Variants in CCT7 observed in about 807,000 individuals in gnomAD.
CCT7 encodes chaperonin containing TCP1 subunit 7, also known as T-complex protein 1 subunit eta.
Under a neutral mutation model 56.6 loss-of-function variants are expected in CCT7, and 16 were observed. The observed-to-expected ratio is 0.28, with a 90% confidence interval of 0.19 to 0.43. CCT7 has a LOEUF of 0.43. Among genes scored for constraint, CCT7 ranks in the 20% least tolerant of loss-of-function variants. CCT7 has a pLI of 1.00. For missense variants in CCT7, 519 were observed against 685.6 expected (o/e 0.76, Z 2.71); for synonymous variants, 262 against 254.8 (o/e 1.03, Z -0.27).
intron 4 of CCT7, 59 bp from the exon 5 acceptor site, chr2:73,243,938 G>A (rs2103784367): frequency 6.7e-7 from 1 of 1,493,486 alleles, no homozygotes; most frequent in Admixed American, 1.7e-5. Flanking sequence ...AGAGATTGAG[G>A]TCCACTTCAG....
intron 1 of CCT7, among the ~76,000 whole-genome samples, chr2:73,236,870 A>G (rs1686907430): frequency 6.6e-6 from 1 of 152,136 alleles, no homozygotes; most frequent in South Asian, 2.1e-4. Context: ...AACCTGGGGA[A>G]TCTGTGGTTA....
chr2:73,238,304 G>A (rs1686964089), intron 1 of CCT7, among the ~76,000 whole-genome samples: 1 of 152,258 alleles, frequency 6.6e-6, no homozygotes, highest in South Asian at 2.1e-4. Flanking sequence ...GTCTACGAGT[G>A]TGTATGTGAT....
rs568037909 is a variant in CCT7 at position 73,250,547 on chromosome 2, C to G, written c.1203+109C>G. On this transcript the variant is annotated intron_variant, in intron 10 of 11. Transcript: ENST00000258091. ...TCCTTCTCTATATAACCTGCCCTTT[C>G]CTGGGTGGTGTGGTGAGCCCTGATT... 31 of 1,312,530 alleles carry G rather than the reference C, an allele frequency of 2.4e-5. 1 individual carries two copies. In the South Asian group the frequency reaches 3.7e-4, roughly 16 times the overall value. 81.3% of individuals were successfully genotyped at this position (1,312,530 alleles called of 1,614,324 possible).
chr2:73,239,919 C>A, intron 2 of CCT7, 123 bp downstream of exon 2: 1 of 829,630 alleles, frequency 1.2e-6, no homozygotes, highest in Non-Finnish European at 1.9e-6. Flanking sequence ...AGATGACTCA[C>A]TCTGAAGCAG....
intron 9 of CCT7, 125 bp downstream of exon 9, chr2:73,250,041 CAG>C (rs1414481076): frequency 3.9e-6 from 3 of 768,404 alleles, no homozygotes; most frequent in African/African-American, 1.7e-5. Flanking sequence ...ACAGCTTTTA[CAG>C]AGTCTCACCT....
intron 3 of CCT7, among the ~76,000 whole-genome samples, chr2:73,242,042 C>T (rs1027443805): frequency 2.0e-5 from 3 of 151,950 alleles, no homozygotes; most frequent in Middle Eastern, 6.8e-3. Flanking sequence ...TGCCTGGCCT[C>T]CTCATAGTTT....
intron 6 of CCT7, among the ~76,000 whole-genome samples, chr2:73,246,999 G>T (rs564081541): frequency 1.3e-5 from 2 of 152,286 alleles, no homozygotes; most frequent in South Asian, 4.2e-4. Flanking sequence ...ATTTAGTAAG[G>T]AAAAGATCTG....
At chr2:73,242,260 A>G (rs1687149848) in intron 3 of CCT7, among the ~76,000 whole-genome samples, 1 of 151,904 alleles carries the variant, frequency 6.6e-6, no homozygotes, top group Admixed American at 6.5e-5. Flanking sequence ...TTTCTCTATT[A>G]AAAAAGAAAG....
chr2:73,243,238 T>C, intron 4 of CCT7, 109 bp downstream of exon 4: 4 of 1,293,370 alleles, frequency 3.1e-6, no homozygotes, highest in Non-Finnish European at 4.3e-6. Context: ...CAGGGTACTT[T>C]GGGCATTTTC....
At chr2:73,245,955 A>G (rs1258906617) in intron 6 of CCT7, among the ~76,000 whole-genome samples, 8 of 152,004 alleles carry the variant, frequency 5.3e-5, no homozygotes, top group Non-Finnish European at 1.2e-4. Context: ...ACTTCCATAA[A>G]TGGTTGAGAT....
chr2:73,234,362 C>G lies in CCT7; in HGVS notation c.-17C>G, dbSNP rs528928298. On this transcript the variant is annotated 5_prime_UTR_variant, in exon 1 of 12. Coordinates refer to ENST00000258091, the MANE Select transcript of CCT7 (RefSeq NM_006429.4). ...GAGAAGAGGGGAGAGTGGCGGGCCG[C>G]TGAATAAGCTTCCAAAATGATGGTG... is the stretch of plus-strand genomic sequence containing the variant. 11 of 1,613,392 alleles carry G rather than the reference C, an allele frequency of 6.8e-6. No individual in the cohort carries two copies. Among genetic ancestry groups the G allele is most frequent in the Admixed American group, 1.7e-5 (1 of 60,030 alleles).
chr2:73,249,953 C>G, intron 9 of CCT7, 37 bp downstream of exon 9: 1 of 1,389,910 alleles, frequency 7.2e-7, no homozygotes, highest in Non-Finnish European at 1.0e-6. Context: ...ACAAACCTGC[C>G]TGGGTCTGGT....
At position 73,239,674 on chromosome 2, in the gene CCT7, C is replaced by T; in HGVS notation, c.38C>T (p.Thr13Ile). The T allele has an allele frequency of 6.2e-7, 1 of 1,613,924 alleles. No individual in the cohort carries two copies. Among genetic ancestry groups the T allele is most frequent in the Non-Finnish European group, 8.5e-7 (1 of 1,179,808 alleles). ...PTPVILLKEG[T>I]DSSQGIPQLV... Reference sequence around the variant, plus strand: ...CCAGTTATCCTATTGAAAGAGGGGACTGATAGCTCCCAAGGCATCCCCCAG... The same window carrying T: ...CCAGTTATCCTATTGAAAGAGGGGATTGATAGCTCCCAAGGCATCCCCCAG... The change falls in exon 2 of 12, where the codon ACT becomes ATT. Residue 13 changes from threonine to isoleucine, a missense_variant. Physicochemically the swap from Thr to Ile is moderately conservative, Grantham distance 89 (BLOSUM62 -1). Transcript: ENST00000258091.
In CCT7 at chr2:73,251,416, G is replaced by C. The variant is rs1433034477; in HGVS notation, c.1394G>C (p.Arg465Pro). 6.2e-7 allele frequency: 1 copy of C among 1,613,428 alleles called. No homozygotes were observed. The highest frequency in any genetic ancestry group is 2.2e-5 in the East Asian group (1 of 44,860). The part of the protein sequence containing the change: ...FDATNILNKL[R>P]ARHAQGGTWY... ...GCCACAAACATTCTCAACAAGCTGC[G>C]GGCTCGGCATGCCCAGGTGGGTCCT... is the stretch of plus-strand genomic sequence containing the variant. Residue 465 changes from arginine (R) to proline (P), a missense_variant, in exon 11 of 12, where the codon CGG (arginine) becomes CCG (proline). Physicochemically the swap from Arg to Pro is moderately radical, Grantham distance 103. Coordinates refer to ENST00000258091, the MANE Select transcript of CCT7 (RefSeq NM_006429.4).
Position 73,252,699 on chromosome 2 carries a change from T to G in CCT7, c.1470T>G (p.Ala490=). 2 of 1,614,200 alleles carry G rather than the reference T, an allele frequency of 1.2e-6. No individual in the cohort carries two copies. The highest frequency in any genetic ancestry group is 1.7e-6 in the Non-Finnish European group (2 of 1,180,022). ...NNEDIADNFE[A]FVWEPAMVRI... ...AGGACATTGCTGACAACTTTGAAGC[T>G]TTCGTGTGGGAGCCAGCTATGGTGC... is the stretch of plus-strand genomic sequence containing the variant. The change falls in exon 12 of 12, where the codon GCT becomes GCG. Residue 490 remains alanine, a synonymous_variant. Transcript: ENST00000258091.
chr2:73,243,510 CCTTA>C (rs1245952425), intron 4 of CCT7, among the ~76,000 whole-genome samples: 1 of 151,992 alleles, frequency 6.6e-6, no homozygotes, highest in Non-Finnish European at 1.5e-5. Flanking sequence ...TCTTTCTAGG[CCTTA>C]CTTTCTTTGC....
At chr2:73,236,051 A>G (rs1225372209) in intron 1 of CCT7, among the ~76,000 whole-genome samples, 3 of 152,192 alleles carry the variant, frequency 2.0e-5, no homozygotes, top group Non-Finnish European at 4.4e-5. Context: ...CCTGTCTTCA[A>G]ATTGGCCCCT....
At chr2:73,235,417 A>C in intron 1 of CCT7, 1 of 268,652 alleles carries the variant, frequency 3.7e-6, no homozygotes, top group Non-Finnish European at 6.0e-6. Flanking sequence ...TGCTTCCTGC[A>C]GCTTTTCTCT....
At position 73,251,222 on chromosome 2, in the gene CCT7, G is replaced by A. The variant is rs1444841881; in HGVS notation, c.1204-4G>A. 6.2e-7 allele frequency: 1 copy of A among 1,613,944 alleles called. No homozygotes were observed. Among genetic ancestry groups the A allele is most frequent in the Non-Finnish European group, 8.5e-7 (1 of 1,179,966 alleles). Reference sequence around the variant, plus strand: ...TACATTGAGAGGTGGTCTGATCTCTGCAGAATGATTCAGTGGTGGCTGGTG... The same window carrying A: ...TACATTGAGAGGTGGTCTGATCTCTACAGAATGATTCAGTGGTGGCTGGTG... On this transcript the variant is annotated splice_region_variant and splice_polypyrimidine_tract_variant and intron_variant, in intron 10 of 11. Transcript: ENST00000258091.
Sources: allele counts gnomAD v4.1 joint callset (sites outside exome capture counted in the v4.1 genomes callset), GRCh38; gene constraint gnomAD v4.1.1; transcripts MANE v1.5; gene names NCBI Gene and HGNC (gene_info 2026-07-23, HGNC 2026-07-21).